Variants in NTM observed in about 807,000 individuals in gnomAD.
NTM encodes neurotrimin, also known as IgLON family member 2.
A neutral mutation model predicts 42.1 loss-of-function variants in NTM; 13 were observed. That is an observed-to-expected ratio of 0.31 (90% CI 0.20 to 0.49). The LOEUF is 0.49. Among genes scored for constraint, NTM ranks in the 20% least tolerant of loss-of-function variants. The pLI, the probability that NTM is intolerant of heterozygous loss-of-function variation, is 0.99. For missense variants in NTM, 373 were observed against 452.8 expected (o/e 0.82, Z 1.60); for synonymous variants, 187 against 179.2 (o/e 1.04, Z -0.35).
At chr11:132,313,343 CT>C (rs1212698751) in intron 6 of NTM, among the ~76,000 whole-genome samples, 2 of 151,874 alleles carry the variant, frequency 1.3e-5, no homozygotes, top group African/African-American at 2.4e-5. Flanking sequence ...AGCATGTCCC[CT>C]GAATCTGTTC....
At position 132,304,021 on chromosome 11, in the gene NTM, C is replaced by T. The variant is rs80200529; in HGVS notation, c.527-3668C>T. Among the ~76,000 whole-genome samples, 1,048 of 152,310 alleles carry T rather than the reference C, an allele frequency of 6.9e-3. 15 individuals carry two copies. The highest frequency in any genetic ancestry group is 0.024 in the African/African-American group (1,014 of 41,566). Reference sequence around the variant, plus strand: ...AAACTAGAGGGTAGAGAATTGGTTTCTTCTGATCCCAAACTTTTGCCTCTT... The same window carrying T: ...AAACTAGAGGGTAGAGAATTGGTTTTTTCTGATCCCAAACTTTTGCCTCTT... On this transcript the variant is annotated intron_variant, in intron 4 of 8. Transcript: ENST00000683400.
At chr11:132,325,170 A>G (rs957836143) in intron 7 of NTM, among the ~76,000 whole-genome samples, 3 of 152,156 alleles carry the variant, frequency 2.0e-5, no homozygotes, top group African/African-American at 7.2e-5. Context: ...ACTGACAAAT[A>G]GGATCTAATT....
chr11:132,156,557 C>T (rs996576257), intron 3 of NTM, among the ~76,000 whole-genome samples: 2 of 152,168 alleles, frequency 1.3e-5, no homozygotes, highest in African/African-American at 2.4e-5. Context: ...TTTCTGAGGT[C>T]AGGGGGCCCG....
chr11:132,026,551 A>G (rs766572556), intron 2 of NTM, among the ~76,000 whole-genome samples: 1 of 152,092 alleles, frequency 6.6e-6, no homozygotes, highest in Non-Finnish European at 1.5e-5. Flanking sequence ...TTTTTTATCT[A>G]CAATAGCTTT....
rs1036141679 is a variant in NTM, at chr11:131,594,256, T to A, written c.82+223368T>A. On this transcript the variant is annotated intron_variant, in intron 1 of 8. Coordinates refer to ENST00000683400, the MANE Select transcript of NTM (RefSeq NM_001352005.2). ...AGAATTTATGCTAAGTCCTGTAGAT[T>A]TTTTGAAATCCAATACAACTGTCCT... is the stretch of plus-strand genomic sequence containing the variant. 2.0e-5 allele frequency among the ~76,000 whole-genome samples: 3 copies of A among 152,282 alleles called. No homozygotes were observed. In the South Asian group the frequency reaches 6.2e-4, roughly 32 times the overall value.
intron 2 of NTM, among the ~76,000 whole-genome samples, chr11:131,978,506 T>C (rs1271668565): frequency 6.6e-6 from 1 of 152,124 alleles, no homozygotes; most frequent in Non-Finnish European, 1.5e-5. Flanking sequence ...GCTAAGGGGC[T>C]GATGAGGTTG....
chr11:131,677,993 A>G (rs2658828), intron 1 of NTM, among the ~76,000 whole-genome samples: 116,212 of 152,222 alleles, frequency 0.76, 44,470 homozygotes, highest in African/African-American at 0.79. Flanking sequence ...ATGCAGATGT[A>G]TGCTAATAGG....
At chr11:131,712,135 TAATAA>T (rs1402856016) in intron 1 of NTM, among the ~76,000 whole-genome samples, 2 of 104,334 alleles carry the variant, frequency 1.9e-5, no homozygotes, top group Non-Finnish European at 4.1e-5. Flanking sequence ...AGTATAATAA[TAATAA>T]AATAAAAAAT....
At chr11:131,731,001 G>A (rs2079607528) in intron 1 of NTM, among the ~76,000 whole-genome samples, 2 of 152,152 alleles carry the variant, frequency 1.3e-5, no homozygotes, top group Admixed American at 6.5e-5. Flanking sequence ...ATAGAACTAC[G>A]AGGCTGCTTT....
intron 4 of NTM, among the ~76,000 whole-genome samples, chr11:132,297,734 A>G (rs1482131712): frequency 1.3e-5 from 2 of 152,142 alleles, no homozygotes; most frequent in Non-Finnish European, 2.9e-5. Flanking sequence ...GTGAGTTGAC[A>G]TGGATTTGGT....
chr11:131,522,422 A>G (rs1195472453), intron 1 of NTM, among the ~76,000 whole-genome samples: 1 of 152,242 alleles, frequency 6.6e-6, no homozygotes, highest in Non-Finnish European at 1.5e-5. Flanking sequence ...AAGTCTAGAA[A>G]TAAAATGGTC....
At chr11:131,374,011 C>T (rs1405816939) in intron 1 of NTM, among the ~76,000 whole-genome samples, 4 of 152,202 alleles carry the variant, frequency 2.6e-5, no homozygotes, top group Admixed American at 2.0e-4. Context: ...CCAGCAGCAG[C>T]TTGAGCTGGG....
chr11:132,068,811 A>T (rs992389581), intron 2 of NTM, among the ~76,000 whole-genome samples: 1 of 152,222 alleles, frequency 6.6e-6, no homozygotes, highest in Admixed American at 6.5e-5. Context: ...TTTCTGGCAC[A>T]GGCTGAAGCT....
Position 132,203,872 on chromosome 11 carries a change from C to G in NTM, c.401-8150C>G, listed in dbSNP as rs995970064. 1.3e-5 allele frequency among the ~76,000 whole-genome samples: 2 copies of G among 152,018 alleles called. 1 individual carries two copies. The highest frequency in any genetic ancestry group is 1.3e-4 in the Admixed American group (2 of 15,250). On this transcript the variant is annotated intron_variant, in intron 3 of 8. Coordinates refer to ENST00000683400, the MANE Select transcript of NTM (RefSeq NM_001352005.2). ...CTAGATCGCACCACTGCACTCCAGC[C>G]TGAGCAATAGAATGAGACTCCATCT...
At chr11:131,504,755 T>A (rs1308390195) in intron 1 of NTM, among the ~76,000 whole-genome samples, 1 of 152,046 alleles carries the variant, frequency 6.6e-6, no homozygotes, top group Non-Finnish European at 1.5e-5. Flanking sequence ...TGGATCTCTG[T>A]CTATTGATTG....
intron 1 of NTM, among the ~76,000 whole-genome samples, chr11:131,578,448 A>G (rs2137153803): frequency 1.3e-5 from 2 of 152,274 alleles, no homozygotes; most frequent in East Asian, 3.9e-4. Flanking sequence ...GACAAGGTGG[A>G]TACCACAGGG....
intron 4 of NTM, among the ~76,000 whole-genome samples, chr11:132,238,321 G>A (rs1237224997): frequency 6.6e-6 from 1 of 152,118 alleles, no homozygotes; most frequent in Non-Finnish European, 1.5e-5. Context: ...GCAGGAGAAG[G>A]AAGCAGGCAG....
chr11:131,387,418 C>T (rs1335606158), intron 1 of NTM, among the ~76,000 whole-genome samples: 2 of 152,170 alleles, frequency 1.3e-5, no homozygotes, highest in Non-Finnish European at 1.5e-5. Context: ...CATACCTTTG[C>T]AGGAGCTGCT....
At chr11:131,457,643 G>A (rs11222636) in intron 1 of NTM, among the ~76,000 whole-genome samples, 8,242 of 152,190 alleles carry the variant, frequency 0.054, 516 homozygotes, top group East Asian at 0.21. Context: ...GTGTTTGTGT[G>A]TGAAATCCGG....
Sources: gnomAD v4.1 joint callset for allele counts (sites outside exome capture counted in the v4.1 genomes callset) on GRCh38, gnomAD v4.1.1 for gene constraint, MANE v1.5 for transcripts, NCBI Gene and HGNC (gene_info 2026-07-23, HGNC 2026-07-21) for gene names.